The following STK24 variants were observed in gnomAD, a reference collection of about 807,000 sequenced individuals.
The protein encoded by STK24 is serine/threonine kinase 24, also known as serine/threonine-protein kinase 24.
A neutral mutation model predicts 55.6 loss-of-function variants in STK24; 21 were observed. That is an observed-to-expected ratio of 0.38 (90% CI 0.27 to 0.54). STK24 has a LOEUF of 0.54. Among genes scored for constraint, STK24 ranks in the 20% least tolerant of loss-of-function variants. The pLI, the probability that STK24 is intolerant of heterozygous loss-of-function variation, is 0.79. For missense variants in STK24, 383 were observed against 538.4 expected, an observed-to-expected ratio of 0.71 and a Z score of 2.86; for synonymous variants, 200 against 215.2, an observed-to-expected ratio of 0.93 and a Z score of 0.62.
At chr13:98,517,054 A>G (rs1003205851) in intron 2 of STK24, among the ~76,000 whole-genome samples, 1 of 152,242 alleles carries the variant, frequency 6.6e-6, no homozygotes, top group African/African-American at 2.4e-5. Context: ...CGTGCTAAGG[A>G]GCTGAGGTTG....
intron 5 of STK24, among the ~76,000 whole-genome samples, chr13:98,470,937 G>A (rs2139277540): frequency 6.6e-6 from 1 of 152,320 alleles, no homozygotes; most frequent in East Asian, 1.9e-4. Flanking sequence ...TATTACTTAA[G>A]CAGATGCGAT....
At chr13:98,525,386 C>A (rs533088314) in intron 1 of STK24, among the ~76,000 whole-genome samples, 1 of 152,302 alleles carries the variant, frequency 6.6e-6, no homozygotes, top group South Asian at 2.1e-4. Context: ...ATCAGGACGC[C>A]CAAGGGCTCC....
intron 2 of STK24, among the ~76,000 whole-genome samples, chr13:98,490,935 T>G (rs1163702615): frequency 6.6e-6 from 1 of 151,500 alleles, no homozygotes; most frequent in Non-Finnish European, 1.5e-5. Context: ...AGAGGCTAGA[T>G]GGAGAATGAG....
intron 2 of STK24, among the ~76,000 whole-genome samples, chr13:98,504,707 G>C (rs1053486217): frequency 6.6e-6 from 1 of 152,198 alleles, no homozygotes; most frequent in Non-Finnish European, 1.5e-5. Context: ...GAAGCTGCTA[G>C]AGCTTGCTTT....
chr13:98,509,280 A>G (rs1314375066), intron 2 of STK24, among the ~76,000 whole-genome samples: 1 of 152,252 alleles, frequency 6.6e-6, no homozygotes, highest in Non-Finnish European at 1.5e-5. Context: ...TTGGTGAAAG[A>G]AAGTTTTATA....
intron 1 of STK24, among the ~76,000 whole-genome samples, chr13:98,550,766 G>A (rs536137906): frequency 2.0e-5 from 3 of 152,176 alleles, no homozygotes; most frequent in African/African-American, 7.2e-5. Context: ...AAACTCTCTT[G>A]TTTAGTTCCA....
chr13:98,465,140 A>G (rs1893880553), intron 6 of STK24, among the ~76,000 whole-genome samples: 2 of 152,236 alleles, frequency 1.3e-5, no homozygotes, highest in Non-Finnish European at 2.9e-5. Context: ...AAATGGGAAC[A>G]GACAGCAGGA....
At position 98,447,908 on chromosome 13, in the gene STK24, G is replaced by A. The variant is rs1892953511; in HGVS notation, c.*5265C>T. ...CACTAAGCAGGATGGGACACGTCCC[G>A]CCATTCTCTGCCATGTCCATGAAAA... On this transcript the variant is annotated 3_prime_UTR_variant, in exon 11 of 11. Transcript: ENST00000539966. 2.8e-6 allele frequency: 1 copy of A among 354,190 alleles called. No homozygotes were observed. Among genetic ancestry groups the A allele is most frequent in the South Asian group, 3.9e-5 (1 of 25,746 alleles). 21.9% of individuals were successfully genotyped at this position (354,190 alleles called of 1,614,324 possible).
chr13:98,566,079 C>A (rs1283729873), intron 1 of STK24, among the ~76,000 whole-genome samples: 2 of 152,150 alleles, frequency 1.3e-5, no homozygotes, highest in African/African-American at 4.8e-5. Flanking sequence ...GGCACAGGAC[C>A]ACAAGGACCC....
At chr13:98,463,285 T>C (rs1893789816) in intron 7 of STK24, among the ~76,000 whole-genome samples, 1 of 152,150 alleles carries the variant, frequency 6.6e-6, no homozygotes, top group Non-Finnish European at 1.5e-5. Context: ...CCACTCCTGG[T>C]ACAGAAGCTT....
rs574518323 is a variant in STK24 at position 98,558,247 on chromosome 13, A to G, written c.42+18498T>C. ...CTGATATACCACCTATTAGATATCTATTCAGATCAACACACATCTTTCTTC... is the reference window on the plus strand; with the variant it reads ...CTGATATACCACCTATTAGATATCTGTTCAGATCAACACACATCTTTCTTC... On this transcript the variant is annotated intron_variant, in intron 1 of 10. Coordinates refer to ENST00000539966, the MANE Select transcript of STK24 (RefSeq NM_001032296.4). 2.6e-5 allele frequency among the ~76,000 whole-genome samples: 4 copies of G among 152,306 alleles called. No individual in the cohort carries two copies. In the South Asian group the frequency reaches 6.2e-4, roughly 24 times the overall value.
chr13:98,558,430 T>TGGGC (rs1362426449), intron 1 of STK24, among the ~76,000 whole-genome samples: 1 of 152,016 alleles, frequency 6.6e-6, no homozygotes, highest in Non-Finnish European at 1.5e-5. Context: ...ACCAGAGCGG[T>TGGGC]ACAACACCAG....
intron 10 of STK24, chr13:98,454,887 G>A (rs2139236207): frequency 6.6e-6 from 1 of 151,164 alleles, no homozygotes; most frequent in South Asian, 2.1e-4. Context: ...CCTCATCACA[G>A]ACAAAGGAAA....
At chr13:98,505,810 CT>C (rs1458704765) in intron 2 of STK24, among the ~76,000 whole-genome samples, 1 of 152,168 alleles carries the variant, frequency 6.6e-6, no homozygotes, top group Non-Finnish European at 1.5e-5. Flanking sequence ...ACATCATTTC[CT>C]TGAAAAAATC....
Position 98,519,255 on chromosome 13 carries a change from T to C in STK24, c.261A>G (p.Gly87=). ...CDSPYVTKYY[G]SYLKDTKLWI... is the part of the protein sequence containing the mutation. The stretch of plus-strand genomic sequence containing the variant: ...TTTTAAGCCTTACCTTCAGATAGGA[T>C]CCATAATATTTGGTTACATATGGAC... The change falls in exon 2 of 11, where the codon GGA becomes GGG. Residue 87 remains glycine (G), a synonymous_variant. Coordinates refer to ENST00000539966, the MANE Select transcript of STK24 (RefSeq NM_001032296.4). The C allele has an allele frequency of 6.2e-7, 1 of 1,613,938 alleles. No homozygotes were observed. The highest frequency in any genetic ancestry group is 1.1e-5 in the South Asian group (1 of 91,072).
chr13:98,478,389 T>C (rs1651578363), intron 3 of STK24, among the ~76,000 whole-genome samples: 1 of 152,148 alleles, frequency 6.6e-6, no homozygotes, highest in Non-Finnish European at 1.5e-5. Context: ...TGTGGTCAGG[T>C]GACTAAGACC....
intron 3 of STK24, among the ~76,000 whole-genome samples, chr13:98,482,008 A>T (rs943989969): frequency 3.3e-5 from 5 of 151,846 alleles, no homozygotes; most frequent in Non-Finnish European, 7.4e-5. Context: ...TAGAGGTAGC[A>T]GTGAGCTGAG....
Position 98,542,876 on chromosome 13 carries a change from G to T in STK24, c.43-23403C>A, listed in dbSNP as rs1167518844. 7 of 985,296 alleles carry T rather than the reference G, an allele frequency of 7.1e-6. No homozygotes were observed. The East Asian group carries it at 7.9e-4, about 112-fold the overall frequency. The allele number at this position is 985,296 out of a possible 1,614,324, so 61.0% of individuals were successfully genotyped here. ...TCCGTAAGAGGTCAGTTGAAATCTA[G>T]ACCCCCTCATTTCCAAACAACACCA... On this transcript the variant is annotated intron_variant, in intron 1 of 10. Transcript: ENST00000539966.
At position 98,448,601 on chromosome 13, in the gene STK24, C is replaced by G; in HGVS notation, c.*4572G>C. ...GAGAGTGCCAAATGACATCTTCCCT[C>G]CACCCTGCCCCTGAAAAACAGTACA... On this transcript the variant is annotated 3_prime_UTR_variant, in exon 11 of 11. Coordinates refer to ENST00000539966, the MANE Select transcript of STK24 (RefSeq NM_001032296.4). 1 of 378,182 alleles carries G rather than the reference C, an allele frequency of 2.6e-6. No individual in the cohort carries two copies. Among genetic ancestry groups the G allele is most frequent in the Non-Finnish European group, 4.8e-6 (1 of 207,384 alleles). The allele number at this position is 378,182 out of a possible 1,614,324, so 23.4% of individuals were successfully genotyped here.
Sources: allele counts gnomAD v4.1 joint callset (sites outside exome capture counted in the v4.1 genomes callset), GRCh38; gene constraint gnomAD v4.1.1; transcripts MANE v1.5; gene names NCBI Gene and HGNC (gene_info 2026-07-23, HGNC 2026-07-21).